The following FARS2 variants were observed in gnomAD, a reference collection of about 807,000 sequenced individuals.
FARS2 encodes phenylalanine--tRNA ligase, mitochondrial.
Under a neutral mutation model 46.4 loss-of-function variants are expected in FARS2, and 40 were observed. The observed-to-expected ratio is 0.86, with a 90% CI of 0.67 to 1.12. The LOEUF (loss-of-function observed/expected upper bound fraction) is 1.12, where lower values mean the gene tolerates loss of function less well. Ranked by LOEUF, FARS2 falls within the 50% of genes most tolerant of loss-of-function variation. The probability of loss-of-function intolerance (pLI) is 0.00; values close to 1 mark genes in which losing one functional copy is unlikely to be tolerated. For missense variants in FARS2, 513 were observed against 567.9 expected (o/e 0.90, Z 0.98); for synonymous variants, 234 against 214.9 (o/e 1.09, Z -0.78).
chr6:5,598,216 G>A (rs912509929), intron 5 of FARS2, among the ~76,000 whole-genome samples: 2 of 151,810 alleles, frequency 1.3e-5, no homozygotes, highest in Admixed American at 6.6e-5. Flanking sequence ...GTGAGACCCC[G>A]TCTCTGCAAA....
intron 1 of FARS2, among the ~76,000 whole-genome samples, chr6:5,335,947 A>AG (rs1771128761): frequency 6.6e-6 from 1 of 152,110 alleles, no homozygotes; most frequent in Non-Finnish European, 1.5e-5. Context: ...CTTTGTATAG[A>AG]GGGGAAGAGA....
intron 4 of FARS2, among the ~76,000 whole-genome samples, chr6:5,521,563 A>G (rs879107995): frequency 6.6e-6 from 1 of 152,232 alleles, no homozygotes; most frequent in Non-Finnish European, 1.5e-5. Flanking sequence ...TTCCTGTAAT[A>G]GAAAGCCACT....
chr6:5,425,358 A>G (rs911911675), intron 3 of FARS2, among the ~76,000 whole-genome samples: 8 of 152,210 alleles, frequency 5.3e-5, no homozygotes, highest in Non-Finnish European at 1.5e-5. Context: ...AATCTCTTTA[A>G]TGAGTCAATA....
intron 5 of FARS2, among the ~76,000 whole-genome samples, chr6:5,552,051 A>T (rs1319041533): frequency 6.6e-6 from 1 of 152,200 alleles, no homozygotes; most frequent in African/African-American, 2.4e-5. Flanking sequence ...TATTTAGCCT[A>T]TCACTTGTGC....
the FARS2 span, among the ~76,000 whole-genome samples, chr6:5,255,777 C>T: frequency 6.6e-6 from 1 of 151,740 alleles, no homozygotes; most frequent in Non-Finnish European, 1.5e-5. Context: ...TGGGGGTTGT[C>T]CCCTGTGCAT....
intron 4 of FARS2, among the ~76,000 whole-genome samples, chr6:5,532,780 T>TTATAAG (rs1769935496): frequency 6.8e-6 from 1 of 146,428 alleles, no homozygotes; most frequent in Non-Finnish European, 1.5e-5. Flanking sequence ...ATAATAATAA[T>TTATAAG]AATAAGAAGA....
In FARS2 at chr6:5,407,106, A is replaced by G. The variant is rs78291317; in HGVS notation, c.772+2405A>G. Among the ~76,000 whole-genome samples the G allele has an allele frequency of 3.6e-3, 496 of 138,390 alleles. 5 individuals carry two copies. Among genetic ancestry groups the G allele is most frequent in the East Asian group, 0.019 (84 of 4,426 alleles). 90.8% of individuals were successfully genotyped at this position (138,390 alleles called of 152,430 possible). A position where few individuals can be genotyped will look rare whatever the true frequency, so the allele number is the denominator to read the frequency against. On this transcript the variant is annotated intron_variant, in intron 3 of 6. Transcript: ENST00000274680. The stretch of plus-strand genomic sequence containing the variant: ...ATATGAAAAGATGCTTGTCTTTATT[A>G]GTAATCAGGGAAAAACAAAACCACA...
At chr6:5,317,597 A>G (rs1165972902) in intron 1 of FARS2, among the ~76,000 whole-genome samples, 1 of 151,790 alleles carries the variant, frequency 6.6e-6, no homozygotes. Flanking sequence ...CCTGGGCAAC[A>G]TGGCAAAACC....
intron 6 of FARS2, among the ~76,000 whole-genome samples, chr6:5,730,147 C>T (rs1186603673): frequency 6.6e-6 from 1 of 152,248 alleles, no homozygotes; most frequent in East Asian, 1.9e-4. Flanking sequence ...CATTTATTCA[C>T]CTATCTGCTT....
intron 1 of FARS2, among the ~76,000 whole-genome samples, chr6:5,341,211 ATATATATATATATATATATATATATTTT>A (rs1561969750): frequency 1.7e-4 from 1 of 5,878 alleles, no homozygotes; most frequent in African/African-American, 4.8e-4. Flanking sequence ...ATATATATAT[ATATATATATATATATATATATATATTTT>A]TTTTTTTTTT....
intron 6 of FARS2, among the ~76,000 whole-genome samples, chr6:5,715,743 C>T (rs1430683131): frequency 6.6e-6 from 1 of 152,178 alleles, no homozygotes; most frequent in African/African-American, 2.4e-5. Context: ...GGACTGCTTT[C>T]ACATTTTGGC....
At chr6:5,736,252 AG>A (rs575351269) in intron 6 of FARS2, among the ~76,000 whole-genome samples, 183 of 152,346 alleles carry the variant, frequency 1.2e-3, no homozygotes, top group South Asian at 2.1e-3. Flanking sequence ...GAGTGACCCA[AG>A]AGCAGGGAGA....
At chr6:5,344,818 T>C (rs1757124722) in intron 1 of FARS2, among the ~76,000 whole-genome samples, 1 of 151,820 alleles carries the variant, frequency 6.6e-6, no homozygotes, top group Non-Finnish European at 1.5e-5. Flanking sequence ...AAATAGAGTT[T>C]TTCTCTGTTA....
chr6:5,521,808 T>G (rs371289284), intron 4 of FARS2, among the ~76,000 whole-genome samples: 101 of 152,354 alleles, frequency 6.6e-4, no homozygotes, highest in African/African-American at 2.3e-3. Context: ...CCAGTCTTGC[T>G]TATTGAACCT....
intron 5 of FARS2, among the ~76,000 whole-genome samples, chr6:5,557,005 A>AGGT (rs1771701061): frequency 2.6e-5 from 4 of 152,164 alleles, no homozygotes; most frequent in African/African-American, 9.7e-5. Flanking sequence ...CCTAAACTGT[A>AGGT]CATTTAATAG....
chr6:5,377,866 A>G (rs1470981995), intron 2 of FARS2, among the ~76,000 whole-genome samples: 1 of 152,222 alleles, frequency 6.6e-6, no homozygotes, highest in African/African-American at 2.4e-5. Flanking sequence ...GGCAAAATAA[A>G]GCATTGCCTA....
intron 6 of FARS2, among the ~76,000 whole-genome samples, chr6:5,763,898 C>A (rs1582899533): frequency 6.6e-6 from 1 of 151,616 alleles, no homozygotes; most frequent in East Asian, 1.9e-4. Context: ...CCAAAGCTAA[C>A]TAATGCATCC....
intron 5 of FARS2, among the ~76,000 whole-genome samples, chr6:5,565,792 A>G (rs1772287500): frequency 6.6e-6 from 1 of 152,306 alleles, no homozygotes; most frequent in Admixed American, 6.5e-5. Flanking sequence ...AAAGCCAGGC[A>G]TCATGAAGGA....
intron 4 of FARS2, among the ~76,000 whole-genome samples, chr6:5,486,074 T>C (rs552176536): frequency 1.2e-4 from 18 of 152,362 alleles, no homozygotes; most frequent in African/African-American, 4.3e-4. Context: ...GTGGAAATTA[T>C]AGCATTACCT....
Sources: gnomAD v4.1 joint callset for allele counts (sites outside exome capture counted in the v4.1 genomes callset) on GRCh38, gnomAD v4.1.1 for gene constraint, MANE v1.5 for transcripts, NCBI Gene and HGNC (gene_info 2026-07-23, HGNC 2026-07-21) for gene names.